The following CTNNA3 variants were observed in gnomAD, a reference collection of about 807,000 sequenced individuals.
The protein encoded by CTNNA3 is catenin alpha 3.
In CTNNA3, 76 loss-of-function variants were observed where a neutral mutation model predicts 95.7. That is an observed-to-expected ratio of 0.79 (90% CI 0.66 to 0.96). The LOEUF (loss-of-function observed/expected upper bound fraction) is 0.96. Among genes scored for constraint, CTNNA3 ranks in the 40% least tolerant of loss-of-function variants. CTNNA3 has a pLI of 0.00. For synonymous variants in CTNNA3, 431 were observed against 374.4 expected, an observed-to-expected ratio of 1.15 and a Z score of -1.74; for missense variants, 1,191 against 1,089.8, an observed-to-expected ratio of 1.09 and a Z score of -1.31.
intron 6 of CTNNA3, among the ~76,000 whole-genome samples, chr10:67,186,984 T>C (rs1437978192): frequency 6.6e-6 from 1 of 152,202 alleles, no homozygotes; most frequent in Non-Finnish European, 1.5e-5. Context: ...CGCATAGCTA[T>C]AAACAAATAT....
At chr10:66,827,973 C>G (rs1292477066) in intron 7 of CTNNA3, among the ~76,000 whole-genome samples, 2 of 152,080 alleles carry the variant, frequency 1.3e-5, no homozygotes, top group Non-Finnish European at 2.9e-5. Context: ...AATTGAGGTA[C>G]TAATCAAAAT....
intron 1 of CTNNA3, among the ~76,000 whole-genome samples, chr10:67,757,050 T>C (rs1841437363): frequency 6.6e-6 from 1 of 152,232 alleles, no homozygotes; most frequent in South Asian, 2.1e-4. Context: ...ACCTACTACA[T>C]ATTAAGCACT....
At chr10:67,139,505 CG>C (rs903040320) in intron 7 of CTNNA3, among the ~76,000 whole-genome samples, 8 of 151,476 alleles carry the variant, frequency 5.3e-5, no homozygotes, top group Non-Finnish European at 1.0e-4. Context: ...CTCCCCTTCC[CG>C]GATTCAAGCA....
At chr10:66,439,111 A>T (rs2093358661) in intron 11 of CTNNA3, among the ~76,000 whole-genome samples, 1 of 152,130 alleles carries the variant, frequency 6.6e-6, no homozygotes. Context: ...TCTCCCTGGG[A>T]GCTGAAGACC....
At chr10:66,289,202 C>A (rs2091638757) in intron 12 of CTNNA3, among the ~76,000 whole-genome samples, 1 of 151,444 alleles carries the variant, frequency 6.6e-6, no homozygotes, top group Admixed American at 6.6e-5. Context: ...TGGATTCAAT[C>A]TCATTGATAG....
intron 10 of CTNNA3, among the ~76,000 whole-genome samples, chr10:66,542,228 A>G (rs1336796724): frequency 2.0e-5 from 3 of 152,162 alleles, no homozygotes; most frequent in East Asian, 1.9e-4. Flanking sequence ...TCATTAAAAA[A>G]TCAGGAAACA....
At chr10:66,593,782 G>C (rs1843625288) in intron 10 of CTNNA3, among the ~76,000 whole-genome samples, 1 of 152,080 alleles carries the variant, frequency 6.6e-6, no homozygotes, top group African/African-American at 2.4e-5. Flanking sequence ...TTTCCTTAGT[G>C]TTCCACTATC....
intron 13 of CTNNA3, among the ~76,000 whole-genome samples, chr10:66,111,119 G>A (rs781331496): frequency 2.6e-5 from 4 of 152,140 alleles, no homozygotes; most frequent in Non-Finnish European, 5.9e-5. Flanking sequence ...GAGGGACCTG[G>A]TAGGAGGTGA....
chr10:66,288,228 TA>T (rs1339042871), intron 12 of CTNNA3, among the ~76,000 whole-genome samples: 1 of 152,006 alleles, frequency 6.6e-6, no homozygotes, highest in Non-Finnish European at 1.5e-5. Context: ...ACATTAAGGA[TA>T]AAGGAATAAG....
At chr10:67,438,773 C>A (rs1390442764) in intron 5 of CTNNA3, among the ~76,000 whole-genome samples, 1 of 152,156 alleles carries the variant, frequency 6.6e-6, no homozygotes, top group Non-Finnish European at 1.5e-5. Context: ...CACTTGCTGC[C>A]TTGAAGGAAG....
chr10:66,661,207 A>G (rs1251647407), intron 9 of CTNNA3, among the ~76,000 whole-genome samples: 5 of 152,102 alleles, frequency 3.3e-5, no homozygotes, highest in Non-Finnish European at 5.9e-5. Context: ...TACTGCTGAT[A>G]AAAACATGTC....
intron 11 of CTNNA3, among the ~76,000 whole-genome samples, chr10:66,453,488 C>T (rs1234453808): frequency 6.6e-6 from 1 of 152,170 alleles, no homozygotes; most frequent in Non-Finnish European, 1.5e-5. Context: ...GGCCAGGGAA[C>T]CATCAGAAGT....
At chr10:66,056,936 C>A (rs2080099718) in intron 15 of CTNNA3, among the ~76,000 whole-genome samples, 1 of 152,276 alleles carries the variant, frequency 6.6e-6, no homozygotes, top group Admixed American at 6.5e-5. Flanking sequence ...CCAGAATGGA[C>A]ATGATTTGGT....
chr10:66,407,395 T>G (rs183839931), intron 11 of CTNNA3, among the ~76,000 whole-genome samples: 6 of 152,126 alleles, frequency 3.9e-5, no homozygotes. Context: ...CAATATCACA[T>G]ACTATAGGAG....
At chr10:66,789,995 AT>A (rs1362952718) in intron 7 of CTNNA3, among the ~76,000 whole-genome samples, 2 of 152,170 alleles carry the variant, frequency 1.3e-5, no homozygotes, top group Admixed American at 1.3e-4. Flanking sequence ...GGGAAAATAT[AT>A]TAAAAATGAC....
chr10:66,536,318 C>T (rs1841655578), intron 10 of CTNNA3, among the ~76,000 whole-genome samples: 1 of 151,640 alleles, frequency 6.6e-6, no homozygotes, highest in South Asian at 2.1e-4. Flanking sequence ...TCCATCTATA[C>T]TAAAAATGCA....
chr10:67,127,953 T>A (rs1859801758), intron 7 of CTNNA3, among the ~76,000 whole-genome samples: 1 of 152,124 alleles, frequency 6.6e-6, no homozygotes, highest in African/African-American at 2.4e-5. Context: ...ATCGTTCACA[T>A]TAATTACCCC....
At chr10:67,386,305 C>T (rs1396715566) in intron 5 of CTNNA3, among the ~76,000 whole-genome samples, 1 of 152,130 alleles carries the variant, frequency 6.6e-6, no homozygotes, top group Non-Finnish European at 1.5e-5. Flanking sequence ...TATTTACGTT[C>T]GGTCCTGTTT....
At chr10:66,433,890 T>G (rs1258001152) in intron 11 of CTNNA3, among the ~76,000 whole-genome samples, 6 of 152,228 alleles carry the variant, frequency 3.9e-5, no homozygotes, top group Admixed American at 1.3e-4. Context: ...CAGCTTTTAT[T>G]AAATAGGGAA....
Sources: allele counts gnomAD v4.1 joint callset (sites outside exome capture counted in the v4.1 genomes callset), GRCh38; gene constraint gnomAD v4.1.1; transcripts MANE v1.5; gene names NCBI Gene and HGNC (gene_info 2026-07-23, HGNC 2026-07-21).